Variants in OPCML observed in about 807,000 individuals in gnomAD.
OPCML encodes the protein opioid-binding protein/cell adhesion molecule.
A neutral mutation model predicts 37.8 loss-of-function variants in OPCML; 13 were observed. The ratio of observed to expected loss-of-function variants is 0.34; its 90% CI spans 0.22 to 0.55. The LOEUF is 0.55. OPCML is among the 20% of genes least tolerant of loss of function. The probability of loss-of-function intolerance (pLI) is 0.91; values close to 1 mark genes in which losing one functional copy is unlikely to be tolerated. For missense variants in OPCML, 341 were observed against 435.6 expected (o/e 0.78, Z 1.93); for synonymous variants, 176 against 168.8 (o/e 1.04, Z -0.33).
At chr11:133,125,960 GTA>G (rs571930113) in intron 1 of OPCML, among the ~76,000 whole-genome samples, 11 of 146,558 alleles carry the variant, frequency 7.5e-5, no homozygotes, top group East Asian at 4.0e-4. Flanking sequence ...TGTATATAGT[GTA>G]TATATATACA....
chr11:132,600,608 T>C (rs1386100436), intron 3 of OPCML, among the ~76,000 whole-genome samples: 1 of 152,208 alleles, frequency 6.6e-6, no homozygotes, highest in Non-Finnish European at 1.5e-5. Flanking sequence ...GCAACCCTGA[T>C]ATATGACGTG....
At chr11:133,304,144 A>G (rs1041123161) in intron 1 of OPCML, among the ~76,000 whole-genome samples, 1 of 152,206 alleles carries the variant, frequency 6.6e-6, no homozygotes, top group African/African-American at 2.4e-5. Context: ...GACTGAATCC[A>G]CAAGGGAGGT....
intron 1 of OPCML, among the ~76,000 whole-genome samples, chr11:133,226,362 GTTCCAC>G (rs1565515701): frequency 2.0e-5 from 3 of 152,216 alleles, no homozygotes; most frequent in Non-Finnish European, 4.4e-5. Context: ...GGTTAGGGGT[GTTCCAC>G]TCCAGCCAGG....
At chr11:132,778,928 A>C (rs919193956) in intron 2 of OPCML, among the ~76,000 whole-genome samples, 1 of 150,956 alleles carries the variant, frequency 6.6e-6, no homozygotes. Flanking sequence ...ATATACGATT[A>C]ATAACACTGA....
At chr11:133,297,719 C>T (rs540605875) in intron 1 of OPCML, 2 of 152,342 alleles carry the variant, frequency 1.3e-5, no homozygotes, top group East Asian at 3.9e-4. Flanking sequence ...GCATTTTCCT[C>T]CTGGTAAGTG....
In OPCML at chr11:132,909,279, C is replaced by T. The variant is rs1591789247; in HGVS notation, c.146+33647G>A. On this transcript the variant is annotated intron_variant, in intron 2 of 7. Coordinates refer to ENST00000524381, the MANE Select transcript of OPCML (RefSeq NM_001012393.5). ...TAATTCCAGATGGAACCCCAGACCT[C>T]AAGGGCTGAGTGTAACAGAAATTTC... Among the ~76,000 whole-genome samples the T allele has an allele frequency of 2.6e-5, 4 of 152,320 alleles. No homozygotes were observed. The East Asian group carries it at 7.7e-4, about 29-fold the overall frequency.
intron 1 of OPCML, among the ~76,000 whole-genome samples, chr11:133,084,429 C>T (rs1948788728): frequency 6.6e-6 from 1 of 152,236 alleles, no homozygotes. Context: ...AGGTGTTAAG[C>T]TTCAGCTGAG....
At chr11:133,479,088 G>A (rs1176008627) in intron 1 of OPCML, among the ~76,000 whole-genome samples, 3 of 152,160 alleles carry the variant, frequency 2.0e-5, no homozygotes, top group East Asian at 1.9e-4. Context: ...CTTATGTAGC[G>A]TTTAGCACAA....
chr11:132,547,905 T>C (rs149140283), intron 3 of OPCML, among the ~76,000 whole-genome samples: 134 of 152,272 alleles, frequency 8.8e-4, no homozygotes, highest in Non-Finnish European at 1.8e-3. Flanking sequence ...TCTCCAACAA[T>C]GCAAGATTAA....
chr11:132,988,102 T>C (rs1368255531), intron 1 of OPCML, among the ~76,000 whole-genome samples: 2 of 152,154 alleles, frequency 1.3e-5, no homozygotes, highest in Non-Finnish European at 2.9e-5. Flanking sequence ...GCCTTTGAAA[T>C]AGTTCTCTTT....
At position 132,654,522 on chromosome 11, in the gene OPCML, C is replaced by T. The variant is rs1409236867; in HGVS notation, c.379+2565G>A. Among the ~76,000 whole-genome samples, 3 of 151,432 alleles carry T rather than the reference C, an allele frequency of 2.0e-5. No homozygotes were observed. In the East Asian group the frequency reaches 5.8e-4, roughly 30 times the overall value. On this transcript the variant is annotated intron_variant, in intron 3 of 7. Coordinates refer to ENST00000524381, the MANE Select transcript of OPCML (RefSeq NM_001012393.5). ...GAGAAGCTCTTCCCCAAGAGAAGCT[C>T]CTCCCCAAGAGAAGCTCCTCCCCAA...
At chr11:132,837,918 G>A (rs1941111041) in intron 2 of OPCML, among the ~76,000 whole-genome samples, 1 of 152,220 alleles carries the variant, frequency 6.6e-6, no homozygotes, top group Non-Finnish European at 1.5e-5. Context: ...TGCCTTTGAA[G>A]GCTGGAGGGC....
At chr11:132,815,760 T>G (rs1939598814) in intron 2 of OPCML, among the ~76,000 whole-genome samples, 1 of 152,192 alleles carries the variant, frequency 6.6e-6, no homozygotes, top group East Asian at 1.9e-4. Context: ...CTTCAAAAAC[T>G]CATGTTTATA....
intron 1 of OPCML, among the ~76,000 whole-genome samples, chr11:132,959,409 A>G (rs1946040597): frequency 6.6e-6 from 1 of 152,266 alleles, no homozygotes; most frequent in African/African-American, 2.4e-5. Flanking sequence ...CAAGGGAGTC[A>G]GAATATCCCA....
chr11:132,678,807 A>G (rs924395010), intron 2 of OPCML, among the ~76,000 whole-genome samples: 3 of 152,184 alleles, frequency 2.0e-5, no homozygotes, highest in African/African-American at 7.2e-5. Context: ...TGGTGGCTCT[A>G]TCTCATTACA....
chr11:132,652,196 G>C (rs911431343), intron 3 of OPCML, among the ~76,000 whole-genome samples: 2 of 152,158 alleles, frequency 1.3e-5, no homozygotes, highest in Non-Finnish European at 2.9e-5. Context: ...TGAGCTACTA[G>C]AAAATTAATT....
intron 2 of OPCML, among the ~76,000 whole-genome samples, chr11:132,755,520 T>G (rs1195393046): frequency 6.6e-6 from 1 of 152,190 alleles, no homozygotes; most frequent in Admixed American, 6.6e-5. Context: ...AAGATGTCTT[T>G]AAAAGAGTAG....
intron 2 of OPCML, among the ~76,000 whole-genome samples, chr11:132,884,303 T>C (rs1156848893): frequency 1.3e-5 from 2 of 152,122 alleles, no homozygotes; most frequent in Non-Finnish European, 2.9e-5. Flanking sequence ...GCCTCCCACA[T>C]CCAGAAGGCA....
At chr11:133,525,714 G>A (rs1035496782) in intron 1 of OPCML, among the ~76,000 whole-genome samples, 3 of 152,200 alleles carry the variant, frequency 2.0e-5, no homozygotes, top group African/African-American at 4.8e-5. Context: ...CAGGAATAAA[G>A]GTTCCAGAAT....
Sources: allele counts gnomAD v4.1 joint callset (sites outside exome capture counted in the v4.1 genomes callset), GRCh38; gene constraint gnomAD v4.1.1; transcripts MANE v1.5; gene names NCBI Gene and HGNC (gene_info 2026-07-23, HGNC 2026-07-21).